ATRX: variants seen among roughly 807,000 people sequenced by gnomAD.
ATRX encodes the protein chromatin remodeler ATRX.
In ATRX, 12 loss-of-function variants were observed where a neutral mutation model predicts 172.6. The observed-to-expected ratio is 0.07, with a 90% CI of 0.04 to 0.11. The LOEUF (loss-of-function observed/expected upper bound fraction) is 0.11. ATRX is among the 10% of genes least tolerant of loss of function. ATRX has a pLI of 1.00. For synonymous variants in ATRX, 674 were observed against 594.7 expected (o/e 1.13, Z -1.94); for missense variants, 1,368 against 1,767.4 (o/e 0.77, Z 4.05).
At position 77,760,217 on chromosome X, in the gene ATRX, G is replaced by A. The variant is rs782511287; in HGVS notation, c.20+25765C>T. On this transcript the variant is annotated intron_variant, in intron 1 of 34. Transcript: ENST00000373344. Reference sequence around the variant, plus strand: ...CTATTGTATTGGACAGTGCAGATCTGGAGTTACATCAAAATCCTAAAAACA... The same window carrying A: ...CTATTGTATTGGACAGTGCAGATCTAGAGTTACATCAAAATCCTAAAAACA... Among the ~76,000 whole-genome samples the A allele has an allele frequency of 6.6e-5, 7 of 106,294 alleles. No homozygotes were observed. The South Asian group carries it at 3.0e-3, about 45-fold the overall frequency. 92.3% of individuals were successfully genotyped at this position (106,294 alleles called of 115,157 possible). A position where few individuals can be genotyped will look rare whatever the true frequency, so the allele number is the denominator to read the frequency against.
chrX:77,592,823 A>T (rs1423505720), intron 26 of ATRX, among the ~76,000 whole-genome samples: 3 of 111,321 alleles, frequency 2.7e-5, no homozygotes, highest in East Asian at 2.8e-4. Flanking sequence ...AAAAAAAAAA[A>T]AATAATGTTT....
intron 27 of ATRX, among the ~76,000 whole-genome samples, chrX:77,587,587 C>T (rs4826262): frequency 0.52 from 57,010 of 110,579 alleles, 12,888 homozygotes; most frequent in Non-Finnish European, 0.69. Context: ...TTTCACTCAA[C>T]ATTGTACTTG....
intron 30 of ATRX, among the ~76,000 whole-genome samples, chrX:77,536,124 T>TAC (rs2063742906): frequency 9.1e-6 from 1 of 110,138 alleles, no homozygotes; most frequent in African/African-American, 3.3e-5. Flanking sequence ...GATTATGTAC[T>TAC]ACATAGCCTC....
intron 34 of ATRX, among the ~76,000 whole-genome samples, chrX:77,509,113 T>C (rs948010964): frequency 8.9e-6 from 1 of 111,923 alleles, no homozygotes; most frequent in African/African-American, 3.2e-5. Context: ...AAGTAAAATA[T>C]ATGCCACAGA....
chrX:77,734,764 C>G (rs1557177969), intron 1 of ATRX, among the ~76,000 whole-genome samples: 1 of 109,838 alleles, frequency 9.1e-6, no homozygotes, highest in Non-Finnish European at 1.9e-5. Flanking sequence ...GCACTCCAGC[C>G]TGGGCAACAT....
At chrX:77,665,436 A>G (rs782049030) in intron 10 of ATRX, among the ~76,000 whole-genome samples, 4 of 111,791 alleles carry the variant, frequency 3.6e-5, no homozygotes, top group Non-Finnish European at 7.5e-5. Flanking sequence ...TACATGGTAA[A>G]AAGAACACGA....
intron 29 of ATRX, among the ~76,000 whole-genome samples, chrX:77,558,205 T>C (rs781792019): frequency 9.2e-6 from 1 of 108,742 alleles, no homozygotes; most frequent in South Asian, 3.9e-4. Flanking sequence ...ATAATACAAA[T>C]TATAAATGAG....
chrX:77,636,847 AAGG>A (rs1262273068), intron 15 of ATRX, among the ~76,000 whole-genome samples: 19 of 102,422 alleles, frequency 1.9e-4, no homozygotes, highest in African/African-American at 6.7e-4. Context: ...AAGGAGGTGG[AAGG>A]AGGAGGAAGG....
chrX:77,783,375 A>C (rs2076630090), intron 1 of ATRX, among the ~76,000 whole-genome samples: 1 of 111,953 alleles, frequency 8.9e-6, no homozygotes, highest in Non-Finnish European at 1.9e-5. Flanking sequence ...AACAACACAA[A>C]CAACCAAAAA....
At chrX:77,726,512 T>C (rs1287850656) in intron 1 of ATRX, among the ~76,000 whole-genome samples, 11 of 108,123 alleles carry the variant, frequency 1.0e-4, no homozygotes, top group Non-Finnish European at 1.9e-4. Context: ...TTAGTAGATA[T>C]ACCTAATGTA....
At chrX:77,755,341 G>A (rs1198046116) in intron 1 of ATRX, among the ~76,000 whole-genome samples, 4 of 111,954 alleles carry the variant, frequency 3.6e-5, no homozygotes, top group Admixed American at 9.5e-5. Flanking sequence ...CTGTCAATTC[G>A]TCAAACTCAT....
At chrX:77,782,926 C>T (rs1284256243) in intron 1 of ATRX, among the ~76,000 whole-genome samples, 1 of 109,348 alleles carries the variant, frequency 9.1e-6, no homozygotes, top group African/African-American at 3.3e-5. Context: ...ACTGAAGAGC[C>T]CTTGGGCCCT....
intron 34 of ATRX, among the ~76,000 whole-genome samples, chrX:77,510,062 G>T (rs182269012): frequency 9.9e-5 from 11 of 111,658 alleles, no homozygotes; most frequent in Admixed American, 6.6e-4. Context: ...AGAGGGAAGA[G>T]TAAAGAAGAC....
chrX:77,631,305 AAAGAT>A (rs2068096331), intron 19 of ATRX, among the ~76,000 whole-genome samples: 1 of 111,566 alleles, frequency 9.0e-6, no homozygotes, highest in Non-Finnish European at 1.9e-5. Context: ...ATGGGTAAGA[AAAGAT>A]AATTTTTTCT....
At chrX:77,706,238 C>A (rs931405455) in intron 2 of ATRX, among the ~76,000 whole-genome samples, 3 of 108,791 alleles carry the variant, frequency 2.8e-5, no homozygotes, top group African/African-American at 6.7e-5. Context: ...CCCACCTCGG[C>A]CTCCCAAAGT....
chrX:77,716,110 A>ATTTTTTTTTTTTT (rs199639051), intron 2 of ATRX, among the ~76,000 whole-genome samples: 7 of 54,385 alleles, frequency 1.3e-4, no homozygotes, highest in East Asian at 6.5e-4. Flanking sequence ...GTCTCTAAAA[A>ATTTTTTTTTTTTT]TTTTTTTTTT....
rs1312728503 is a variant in ATRX, at chrX:77,763,465, CT to C, written c.20+22516del. On this transcript the variant is annotated intron_variant, in intron 1 of 34. Transcript: ENST00000373344. ...AACCCATTATACTATTTTCTTTTTT[CT>C]TTTTTTTAAAAAAAAAAAAAAAAAA... Among the ~76,000 whole-genome samples, 175 of 74,330 alleles carry C rather than the reference CT, an allele frequency of 2.4e-3. 2 individuals carry two copies. Among genetic ancestry groups the C allele is most frequent in the African/African-American group, 8.2e-3 (144 of 17,527 alleles). The allele number at this position is 74,330 out of a possible 115,157, so 64.5% of individuals were successfully genotyped here.
At chrX:77,725,217 A>T (rs1557171942) in intron 1 of ATRX, among the ~76,000 whole-genome samples, 1 of 111,834 alleles carries the variant, frequency 8.9e-6, no homozygotes. Context: ...CCTGACTTCA[A>T]ACTATACTAC....
chrX:77,592,870 G>C (rs1257344255), intron 26 of ATRX, among the ~76,000 whole-genome samples: 1 of 110,172 alleles, frequency 9.1e-6, no homozygotes. Context: ...AAGATGCAAA[G>C]AAAGGAATGG....
Sources: allele counts gnomAD v4.1 joint callset (sites outside exome capture counted in the v4.1 genomes callset), GRCh38; gene constraint gnomAD v4.1.1; transcripts MANE v1.5; gene names NCBI Gene and HGNC (gene_info 2026-07-23, HGNC 2026-07-21).